Variants in FER1L5 observed in about 807,000 individuals in gnomAD.
FER1L5 encodes fer-1 like family member 5, also known as fer-1-like protein 5.
In FER1L5, 187 loss-of-function variants were observed where a neutral mutation model predicts 279.9. The ratio of observed to expected loss-of-function variants is 0.67; its 90% CI spans 0.59 to 0.75. The LOEUF is 0.75. Among genes scored for constraint, FER1L5 ranks in the 30% least tolerant of loss-of-function variants. FER1L5 has a pLI of 0.00. For synonymous variants in FER1L5, 921 were observed against 989.7 expected (o/e 0.93, Z 1.30); for missense variants, 2,091 against 2,594.4 (o/e 0.81, Z 4.21).
Position 96,698,620 on chromosome 2 carries a change from A to G in FER1L5, c.4357-51A>G. 1 of 1,489,886 alleles carries G rather than the reference A, an allele frequency of 6.7e-7. No individual in the cohort carries two copies. Among genetic ancestry groups the G allele is most frequent in the Non-Finnish European group, 9.2e-7 (1 of 1,092,638 alleles). The allele number at this position is 1,489,886 out of a possible 1,614,324, so 92.3% of individuals were successfully genotyped here. A position where few individuals can be genotyped will look rare whatever the true frequency, so the allele number is the denominator to read the frequency against. ...TGGGGCACCTCCCAGAGGGCTTTAC[A>G]GAGCTGGCCAGCACTGCCAGGCTGG... is the stretch of plus-strand genomic sequence containing the variant. On this transcript the variant is annotated intron_variant, in intron 40 of 52. Transcript: ENST00000624922. This position sits in a 1 kb window ranked among gnomAD's most constrained non-coding sequence, Gnocchi z 5.5.
At position 96,670,191 on chromosome 2, in the gene FER1L5, A is replaced by G; in HGVS notation, c.1435A>G (p.Lys479Glu). 6.4e-7 allele frequency: 1 copy of G among 1,551,532 alleles called. No individual in the cohort carries two copies. Among genetic ancestry groups the G allele is most frequent in the East Asian group, 2.4e-5 (1 of 40,898 alleles). Residue 479 changes from lysine to glutamate, a missense_variant, in exon 18 of 53, where the codon AAG (lysine) becomes GAG (glutamate). Physicochemically the swap from Lys to Glu is moderately conservative, Grantham distance 56. Coordinates refer to ENST00000624922, the MANE Select transcript of FER1L5 (RefSeq NM_001293083.2). Reference protein sequence around the residue: ...RVFLELITQIKSYQDSTIKDL... With the variant: ...RVFLELITQIESYQDSTIKDL... ...CTTCCTGGAGTTAATCACCCAAATC[A>G]AGTCCTATCAAGACTCCACGATAAA...
intron 5 of FER1L5, 76 bp from the exon 6 acceptor site, chr2:96,650,104 A>G: frequency 8.7e-7 from 1 of 1,153,380 alleles, no homozygotes. Flanking sequence ...TGGGGACAGA[A>G]TGATGGAATG....
chr2:96,698,951 C>A lies in FER1L5; in HGVS notation c.4519-94C>A, dbSNP rs1045616480. 4 of 1,525,886 alleles carry A rather than the reference C, an allele frequency of 2.6e-6. No homozygotes were observed. The African/African-American group carries it at 5.5e-5, about 21-fold the overall frequency. The allele number at this position is 1,525,886 out of a possible 1,614,324, so 94.5% of individuals were successfully genotyped here. A position where few individuals can be genotyped will look rare whatever the true frequency, so the allele number is the denominator to read the frequency against. On this transcript the variant is annotated intron_variant, in intron 41 of 52. Coordinates refer to ENST00000624922, the MANE Select transcript of FER1L5 (RefSeq NM_001293083.2). The surrounding 1 kb of genome is among the most constrained non-coding windows in gnomAD (Gnocchi z 5.5). ...AACTCCCCATAGGCTCCGTGTGGTG[C>A]GAGGGGCTTGTTTCCACCCTCCTCC... is the stretch of plus-strand genomic sequence containing the variant.
chr2:96,689,247 G>A lies in FER1L5; in HGVS notation c.2396G>A (p.Gly799Glu), dbSNP rs1165473598. ...CAGGCCAAGTATAAAGACCAGTGGG[G>A]GCAGCAGGGGCTGTATCACTGCCCC... ...ENQAKYKDQW[G>E]QQGLYHCPNF... Residue 799 changes from glycine to glutamate, a missense_variant, in exon 25 of 53, where the codon GGG becomes GAG. By Grantham distance (98) the Gly-to-Glu change is moderately conservative (BLOSUM62 -2). Transcript: ENST00000624922. The surrounding 1 kb of genome is among the most constrained non-coding windows in gnomAD (Gnocchi z 4.6). 1.3e-6 allele frequency: 2 copies of A among 1,550,612 alleles called. No individual in the cohort carries two copies. The highest frequency in any genetic ancestry group is 3.9e-5 in the Admixed American group (2 of 50,874).
At position 96,685,156 on chromosome 2, in the gene FER1L5, G is replaced by T. The variant is rs191372641; in HGVS notation, c.1795-173G>T. ...TTCTGTTGGGAAGCAGGAAGGATGTGGGGGGTTCCTAGCCTCGGAGTTGTG... is the reference window on the plus strand; with the variant it reads ...TTCTGTTGGGAAGCAGGAAGGATGTTGGGGGTTCCTAGCCTCGGAGTTGTG... On this transcript the variant is annotated intron_variant, in intron 20 of 52. Transcript: ENST00000624922. 2.1e-3 allele frequency among the ~76,000 whole-genome samples: 325 copies of T among 152,218 alleles called. 1 individual carries two copies. Among genetic ancestry groups the T allele is most frequent in the Non-Finnish European group, 3.4e-3 (231 of 68,016 alleles).
rs765402906 is a variant in FER1L5 at position 96,693,618 on chromosome 2, C to A, written c.3405C>A (p.Tyr1135Ter). 6.4e-7 allele frequency: 1 copy of A among 1,551,616 alleles called. No homozygotes were observed. The highest frequency in any genetic ancestry group is 1.4e-5 in the African/African-American group (1 of 73,054). ...TCATCTTCCAGCACCTCCTTCTGTACGAGAACCCACAGGACACCAAAGAGA... is the reference window on the plus strand; with the variant it reads ...TCATCTTCCAGCACCTCCTTCTGTAAGAGAACCCACAGGACACCAAAGAGA... ...QTLIFQHLLLYENPQDTKESP... is the reference protein window; with the variant it reads ...QTLIFQHLLL Residue 1135 changes from tyrosine to a stop codon, truncating the protein, a stop_gained, in exon 32 of 53, where the codon TAC becomes TAA. Coordinates refer to ENST00000624922, the MANE Select transcript of FER1L5 (RefSeq NM_001293083.2). LOFTEE classifies it high-confidence loss of function.
chr2:96,648,693 G>A, intron 4 of FER1L5, among the ~76,000 whole-genome samples: 1 of 152,238 alleles, frequency 6.6e-6, no homozygotes, highest in Non-Finnish European at 1.5e-5. Flanking sequence ...GAGCAGGCTG[G>A]CTTCCTGGGC....
chr2:96,658,390 C>T (rs1254504890), intron 9 of FER1L5, among the ~76,000 whole-genome samples: 1 of 149,998 alleles, frequency 6.7e-6, no homozygotes, highest in Non-Finnish European at 1.5e-5. Flanking sequence ...GATCTCAGCT[C>T]ACTGCAGCCT....
At chr2:96,701,920 G>C in intron 45 of FER1L5, 35 bp from the exon 46 acceptor site, 1 of 1,606,746 alleles carries the variant, frequency 6.2e-7, no homozygotes, top group African/African-American at 1.3e-5. Flanking sequence ...ACAGAGGCTA[G>C]CAACCCCCAA....
At chr2:96,685,245 T>C in intron 20 of FER1L5, 84 bp from the exon 21 acceptor site, 3 of 1,220,404 alleles carry the variant, frequency 2.5e-6, no homozygotes, top group Middle Eastern at 2.1e-4. Context: ...GCTGAAAACA[T>C]CTTGGGCCAA....
intron 19 of FER1L5, among the ~76,000 whole-genome samples, chr2:96,682,730 C>T (rs963781022): frequency 1.3e-5 from 2 of 152,138 alleles, no homozygotes; most frequent in Admixed American, 6.5e-5. Context: ...GGTTGAGACA[C>T]GGTCTCACTC....
At chr2:96,648,623 T>C (rs2075236483) in intron 4 of FER1L5, among the ~76,000 whole-genome samples, 1 of 152,232 alleles carries the variant, frequency 6.6e-6, no homozygotes, top group African/African-American at 2.4e-5. Flanking sequence ...TGATTGTTAT[T>C]GTTTGGCTTC....
chr2:96,652,152 C>A, intron 7 of FER1L5, 132 bp downstream of exon 7: 1 of 1,282,570 alleles, frequency 7.8e-7, no homozygotes, highest in Non-Finnish European at 1.1e-6. Flanking sequence ...TGAGTGTCTA[C>A]TGAGGGCCAA....
chr2:96,689,755 C>T lies in FER1L5; in HGVS notation c.2637C>T (p.Asp879=), dbSNP rs539043819. The T allele has an allele frequency of 4.3e-5, 66 of 1,547,752 alleles. No homozygotes were observed. In the East Asian group the frequency reaches 1.2e-3, roughly 28 times the overall value. ...GGCCTGCCGCCATCCCAAACACAGA[C>T]GTGGTGAGCAGGGCCGAAGCTGCCT... ...AWGPAAIPNT[D]VNGQPMEARE... is the part of the protein sequence containing the mutation. Residue 879 remains aspartate, a synonymous_variant, in exon 26 of 53, where the codon GAC becomes GAT. Coordinates refer to ENST00000624922, the MANE Select transcript of FER1L5 (RefSeq NM_001293083.2). The surrounding 1 kb of genome is among the most constrained non-coding windows in gnomAD (Gnocchi z 4.6).
At chr2:96,671,461 C>T (rs188787041) in intron 18 of FER1L5, among the ~76,000 whole-genome samples, 1 of 152,356 alleles carries the variant, frequency 6.6e-6, no homozygotes, top group African/African-American at 2.4e-5. Flanking sequence ...CCATTTTCTG[C>T]CATGGGTGAC....
chr2:96,696,379 G>A (rs1381230547), intron 37 of FER1L5, among the ~76,000 whole-genome samples: 4 of 151,900 alleles, frequency 2.6e-5, no homozygotes, highest in South Asian at 2.1e-4. Context: ...TGCAACCTCC[G>A]CCTCCCGGGT....
At chr2:96,650,123 A>G in intron 5 of FER1L5, 57 bp from the exon 6 acceptor site, 1 of 1,349,468 alleles carries the variant, frequency 7.4e-7, no homozygotes, top group South Asian at 1.3e-5. Flanking sequence ...TGGGGAAAAT[A>G]CCTCAAACCT....
At chr2:96,659,658 ATTT>A (rs1207995498) in intron 9 of FER1L5, among the ~76,000 whole-genome samples, 8 of 150,236 alleles carry the variant, frequency 5.3e-5, no homozygotes, top group Non-Finnish European at 1.2e-4. Context: ...CGCCCGGCTA[ATTT>A]TTTGTATTTT....
intron 19 of FER1L5, among the ~76,000 whole-genome samples, chr2:96,676,622 G>T (rs2076519133): frequency 1.4e-5 from 2 of 148,084 alleles, no homozygotes; most frequent in South Asian, 4.3e-4. Flanking sequence ...TTTTCATCAG[G>T]TATTTTTTGT....
Sources: allele counts gnomAD v4.1 joint callset (sites outside exome capture counted in the v4.1 genomes callset), GRCh38; gene constraint gnomAD v4.1.1; non-coding constraint Gnocchi (gnomAD v3.1); transcripts MANE v1.5; gene names NCBI Gene and HGNC (gene_info 2026-07-23, HGNC 2026-07-21).